CDH19: variants seen among roughly 807,000 people sequenced by gnomAD.
The protein encoded by CDH19 is cadherin-19.
Under a neutral mutation model 64.2 loss-of-function variants are expected in CDH19, and 67 were observed. The ratio of observed to expected loss-of-function variants is 1.04; its 90% confidence interval spans 0.86 to 1.28. The LOEUF is 1.28. Among genes scored for constraint, CDH19 ranks in the 50% most tolerant of loss-of-function variants. The probability of loss-of-function intolerance (pLI) is 0.00; values close to 1 mark genes in which losing one functional copy is unlikely to be tolerated. For synonymous variants in CDH19, 346 were observed against 319.3 expected, an observed-to-expected ratio of 1.08 and a Z score of -0.89; for missense variants, 1,030 against 929.0, an observed-to-expected ratio of 1.11 and a Z score of -1.41.
chr18:66,587,466 A>G (rs1177374995), intron 1 of CDH19, among the ~76,000 whole-genome samples: 1 of 152,140 alleles, frequency 6.6e-6, no homozygotes, highest in Non-Finnish European at 1.5e-5. Flanking sequence ...TGAAATGGCT[A>G]TGACTGGTAT....
In CDH19 at chr18:66,568,728, G is replaced by T; in HGVS notation, c.196-18C>A. ...GATCTTAGCTGCAAATGGAAAGAGG[G>T]ATCATTTAGTTTCCAAACATCTGAA... On this transcript the variant is annotated intron_variant, in intron 2 of 11. Transcript: ENST00000262150. 1 of 1,559,380 alleles carries T rather than the reference G, an allele frequency of 6.4e-7. No individual in the cohort carries two copies. Among genetic ancestry groups the T allele is most frequent in the Non-Finnish European group, 8.6e-7 (1 of 1,156,326 alleles).
intron 9 of CDH19, among the ~76,000 whole-genome samples, chr18:66,522,018 C>G (rs1167215986): frequency 6.6e-6 from 1 of 151,752 alleles, no homozygotes; most frequent in Non-Finnish European, 1.5e-5. Flanking sequence ...GCGATCTCGG[C>G]TCACTGCAAG....
intron 1 of CDH19, among the ~76,000 whole-genome samples, chr18:66,578,223 G>A (rs752960418): frequency 2.6e-5 from 4 of 151,910 alleles, no homozygotes; most frequent in Non-Finnish European, 5.9e-5. Context: ...CAGACTGAGC[G>A]AATATTTGTT....
At chr18:66,517,166 G>A (rs1002718281) in intron 9 of CDH19, among the ~76,000 whole-genome samples, 1 of 151,506 alleles carries the variant, frequency 6.6e-6, no homozygotes, top group Admixed American at 6.6e-5. Context: ...AGGAAGAAGT[G>A]GATAAAAGAA....
At chr18:66,580,611 C>A (rs1988394981) in intron 1 of CDH19, among the ~76,000 whole-genome samples, 3 of 152,056 alleles carry the variant, frequency 2.0e-5, no homozygotes, top group South Asian at 2.1e-4. Context: ...GTAAATATGA[C>A]AAACAACAAC....
chr18:66,545,274 G>T (rs546279682), intron 5 of CDH19, among the ~76,000 whole-genome samples: 3 of 151,990 alleles, frequency 2.0e-5, no homozygotes, highest in South Asian at 4.2e-4. Flanking sequence ...CACCGTGCCG[G>T]GTCGCAATTG....
At chr18:66,510,504 A>G (rs1042015488) in intron 10 of CDH19, among the ~76,000 whole-genome samples, 8 of 147,648 alleles carry the variant, frequency 5.4e-5, no homozygotes, top group African/African-American at 1.7e-4. Flanking sequence ...ATATTAATAT[A>G]TGTATTTTAA....
chr18:66,534,960 G>C (rs753814619), intron 8 of CDH19, 26 bp downstream of exon 8: 7 of 1,417,274 alleles, frequency 4.9e-6, no homozygotes, highest in Non-Finnish European at 6.6e-6. Context: ...GCAAACAACT[G>C]TATTGGATTT....
In CDH19 at chr18:66,557,962, A is replaced by T. The variant is rs920450356; in HGVS notation, c.491-3438T>A. Among the ~76,000 whole-genome samples the T allele has an allele frequency of 2.0e-5, 3 of 151,614 alleles. No individual in the cohort carries two copies. The South Asian group carries it at 6.2e-4, about 32-fold the overall frequency. Reference sequence around the variant, plus strand: ...GATTCTCTAGTTGGCTCCACTAGCTATTCATTGCTCCAGGGCAAATATTCT... The same window carrying T: ...GATTCTCTAGTTGGCTCCACTAGCTTTTCATTGCTCCAGGGCAAATATTCT... On this transcript the variant is annotated intron_variant, in intron 3 of 11. Coordinates refer to ENST00000262150, the MANE Select transcript of CDH19 (RefSeq NM_021153.4).
At chr18:66,541,660 CAT>C (rs945355982) in intron 7 of CDH19, among the ~76,000 whole-genome samples, 1 of 152,040 alleles carries the variant, frequency 6.6e-6, no homozygotes, top group Non-Finnish European at 1.5e-5. Flanking sequence ...GTGATCCTAA[CAT>C]ATGTATGAAA....
intron 9 of CDH19, among the ~76,000 whole-genome samples, chr18:66,519,767 T>TA (rs1458689652): frequency 6.6e-6 from 1 of 152,004 alleles, no homozygotes; most frequent in East Asian, 1.9e-4. Context: ...AAATAATACA[T>TA]AAAAAGAACA....
intron 5 of CDH19, among the ~76,000 whole-genome samples, chr18:66,548,209 G>A (rs943537718): frequency 6.9e-6 from 1 of 145,816 alleles, no homozygotes; most frequent in East Asian, 2.0e-4. Flanking sequence ...ACTTAACTGA[G>A]CTCCTGATTC....
chr18:66,521,739 G>T (rs920263425), intron 9 of CDH19, among the ~76,000 whole-genome samples: 2 of 151,722 alleles, frequency 1.3e-5, no homozygotes, highest in African/African-American at 2.4e-5. Context: ...ATTTCACAGT[G>T]TGAAAGTCCA....
In CDH19 at chr18:66,568,571, A is replaced by G. The variant is rs778685863; in HGVS notation, c.335T>C (p.Leu112Pro). 6 of 1,612,330 alleles carry G rather than the reference A, an allele frequency of 3.7e-6. No homozygotes were observed. Among genetic ancestry groups the G allele is most frequent in the Non-Finnish European group, 5.1e-6 (6 of 1,178,934 alleles). Reference protein sequence around the residue: ...IQKLDREERSLYILRAQVIDI... With the variant: ...IQKLDREERSPYILRAQVIDI... ...TATTACCTGGGCTCTTAAGATGTAG[A>G]GGGATCGCTCCTCTCTATCAAGCTT... is the stretch of plus-strand genomic sequence containing the variant. The change falls in exon 3 of 12, where the codon CTC (leucine) becomes CCC (proline). Residue 112 changes from leucine (L) to proline (P), a missense_variant. Physicochemically the swap from Leu to Pro is moderately conservative, Grantham distance 98 (BLOSUM62 -3). Transcript: ENST00000262150.
In CDH19 at chr18:66,544,900, A is replaced by C. The variant is rs199721611; in HGVS notation, c.779T>G (p.Leu260Ter). 1 of 1,567,854 alleles carries C rather than the reference A, an allele frequency of 6.4e-7. No homozygotes were observed. The highest frequency in any genetic ancestry group is 2.3e-5 in the East Asian group (1 of 43,962). ...AGATTCAGAGACAGTCAAGCGGTAT[A>C]AACCTTTAAAAACAAAATTGGAGGT... ...NDNKPIFKES[L>*]YRLTVSESAP... is the part of the protein sequence containing the mutation. The change falls in exon 6 of 12, where the codon TTA becomes TGA. Residue 260 changes from leucine to a stop codon, truncating the protein, a stop_gained. Transcript: ENST00000262150. LOFTEE classifies it high-confidence loss of function.
At chr18:66,520,932 A>C (rs950740651) in intron 9 of CDH19, among the ~76,000 whole-genome samples, 1 of 152,234 alleles carries the variant, frequency 6.6e-6, no homozygotes, top group East Asian at 1.9e-4. Context: ...TCTAGGAGGT[A>C]CTTTGAAAGA....
At chr18:66,544,655 C>T in intron 6 of CDH19, 64 bp downstream of exon 6, 1 of 1,138,210 alleles carries the variant, frequency 8.8e-7, no homozygotes. Flanking sequence ...TAACCAGCTA[C>T]ACAAAATATG....
chr18:66,546,685 A>G (rs1374789691), intron 5 of CDH19, among the ~76,000 whole-genome samples: 2 of 152,192 alleles, frequency 1.3e-5, no homozygotes, highest in Admixed American at 6.5e-5. Context: ...ATAAGAAGGT[A>G]GTATTCTGGT....
rs192727351 is a variant in CDH19 at position 66,515,389 on chromosome 18, G to T, written c.1459-3704C>A. Reference sequence around the variant, plus strand: ...AAATAAATCTATAAAACTCAAAAAAGGTGTTGAACATCTGTTCAAACAGGC... The same window carrying T: ...AAATAAATCTATAAAACTCAAAAAATGTGTTGAACATCTGTTCAAACAGGC... On this transcript the variant is annotated intron_variant, in intron 9 of 11. Coordinates refer to ENST00000262150, the MANE Select transcript of CDH19 (RefSeq NM_021153.4). Among the ~76,000 whole-genome samples, 406 of 151,714 alleles carry T rather than the reference G, an allele frequency of 2.7e-3. 4 individuals carry two copies. Among genetic ancestry groups the T allele is most frequent in the Non-Finnish European group, 4.5e-3 (307 of 67,712 alleles).
Sources: gnomAD v4.1 joint callset for allele counts (sites outside exome capture counted in the v4.1 genomes callset) on GRCh38, gnomAD v4.1.1 for gene constraint, MANE v1.5 for transcripts, NCBI Gene and HGNC (gene_info 2026-07-23, HGNC 2026-07-21) for gene names.